GALNT18: variants seen among roughly 807,000 people sequenced by gnomAD.
GALNT18 encodes polypeptide N-acetylgalactosaminyltransferase 18, also known as GalNAc-transferase 18.
A neutral mutation model predicts 69.5 loss-of-function variants in GALNT18; 44 were observed. The ratio of observed to expected loss-of-function variants is 0.63; its 90% CI spans 0.50 to 0.81. GALNT18 has a LOEUF of 0.81. Ranked by LOEUF, GALNT18 falls within the 40% of genes least tolerant of loss-of-function variation. GALNT18 has a pLI of 0.00. For missense variants in GALNT18, 715 were observed against 810.0 expected (o/e 0.88, Z 1.42); for synonymous variants, 364 against 318.2 (o/e 1.14, Z -1.53).
chr11:11,487,985 G>A (rs1342307447), intron 1 of GALNT18, among the ~76,000 whole-genome samples: 1 of 152,192 alleles, frequency 6.6e-6, no homozygotes, highest in Non-Finnish European at 1.5e-5. Flanking sequence ...ATAAGCCCAA[G>A]CTCCATAAAT....
intron 3 of GALNT18, among the ~76,000 whole-genome samples, chr11:11,398,085 A>C (rs1416645912): frequency 6.6e-6 from 1 of 152,258 alleles, no homozygotes; most frequent in African/African-American, 2.4e-5. Context: ...AATCTTCAAA[A>C]CAACCCTGAG....
chr11:11,557,658 C>T (rs890966936), intron 1 of GALNT18, among the ~76,000 whole-genome samples: 7 of 152,194 alleles, frequency 4.6e-5, no homozygotes, highest in Admixed American at 4.6e-4. Flanking sequence ...TAACTGTCAG[C>T]TTCTGTGGCT....
intron 1 of GALNT18, among the ~76,000 whole-genome samples, chr11:11,537,958 G>A (rs1056673171): frequency 8.5e-5 from 13 of 152,082 alleles, no homozygotes; most frequent in African/African-American, 2.9e-4. Flanking sequence ...CAGTTCCATG[G>A]CCAATTTTAA....
intron 3 of GALNT18, among the ~76,000 whole-genome samples, chr11:11,429,466 T>A (rs1353718970): frequency 6.6e-6 from 1 of 152,152 alleles, no homozygotes; most frequent in Non-Finnish European, 1.5e-5. Context: ...ACATTTCCCC[T>A]CTGGGGCTCC....
At chr11:11,437,367 G>T (rs187711686) in intron 2 of GALNT18, among the ~76,000 whole-genome samples, 226 of 152,274 alleles carry the variant, frequency 1.5e-3, no homozygotes, top group African/African-American at 5.2e-3. Flanking sequence ...GGAGGGATAT[G>T]GTTGTCTAAT....
rs147902265 is a variant in GALNT18 at position 11,398,285 on chromosome 11, T to C, written c.596-19021A>G. 1.9e-3 allele frequency among the ~76,000 whole-genome samples: 290 copies of C among 152,348 alleles called. 1 individual carries two copies. The highest frequency in any genetic ancestry group is 6.8e-3 in the Middle Eastern group (2 of 294). Reference sequence around the variant, plus strand: ...GAGGTCCTAGGATAAACCCATGCTCTGGGCATTACTACCTTGGCTAGCTCT... The same window carrying C: ...GAGGTCCTAGGATAAACCCATGCTCCGGGCATTACTACCTTGGCTAGCTCT... On this transcript the variant is annotated intron_variant, in intron 3 of 10. Transcript: ENST00000227756.
chr11:11,379,207 C>T lies in GALNT18; in HGVS notation c.653G>A (p.Gly218Asp). 6.2e-7 allele frequency: 1 copy of T among 1,613,138 alleles called. No individual in the cohort carries two copies. ...GCTGTGACGCACGACTTTGATGAAG[C>T]CTGGCTTCTGGCTGTTCACCTTGTC... is the stretch of plus-strand genomic sequence containing the variant. ...YVDKVNSQKPGFIKVVRHSKQ... is the reference protein window; with the variant it reads ...YVDKVNSQKPDFIKVVRHSKQ... The change falls in exon 4 of 11, where the codon GGC becomes GAC. Residue 218 changes from glycine (G) to aspartate (D), a missense_variant. Coordinates refer to ENST00000227756, the MANE Select transcript of GALNT18 (RefSeq NM_198516.3).
chr11:11,460,339 T>C (rs1856012590), intron 1 of GALNT18, among the ~76,000 whole-genome samples: 1 of 152,162 alleles, frequency 6.6e-6, no homozygotes, highest in African/African-American at 2.4e-5. Context: ...CTCACAGGGT[T>C]ATAGTGAGGC....
At chr11:11,303,329 C>T (rs549329632) in intron 9 of GALNT18, among the ~76,000 whole-genome samples, 1 of 152,326 alleles carries the variant, frequency 6.6e-6, no homozygotes, top group Non-Finnish European at 1.5e-5. Flanking sequence ...CAGCAGCCCC[C>T]CACTGCTAAC....
chr11:11,564,616 A>G lies in GALNT18; in HGVS notation c.235+56743T>C, dbSNP rs999064405. On this transcript the variant is annotated intron_variant, in intron 1 of 10. Coordinates refer to ENST00000227756, the MANE Select transcript of GALNT18 (RefSeq NM_198516.3). The surrounding 1 kb of genome is among the most constrained non-coding windows in gnomAD (Gnocchi z 4.3). Reference sequence around the variant, plus strand: ...GGCAATGCAGGCAGCCCCCAATTCCAGAACAAATTGGTAGCTAATGATGTT... The same window carrying G: ...GGCAATGCAGGCAGCCCCCAATTCCGGAACAAATTGGTAGCTAATGATGTT... 6.6e-6 allele frequency among the ~76,000 whole-genome samples: 1 copy of G among 152,164 alleles called. No individual in the cohort carries two copies. The highest frequency in any genetic ancestry group is 6.5e-5 in the Admixed American group (1 of 15,278).
intron 3 of GALNT18, among the ~76,000 whole-genome samples, chr11:11,398,684 A>C (rs1438566368): frequency 2.6e-5 from 4 of 152,230 alleles, no homozygotes; most frequent in Non-Finnish European, 5.9e-5. Context: ...TTATCACTGA[A>C]CTAATAGGAA....
At chr11:11,352,819 C>T (rs1019878917) in intron 6 of GALNT18, 3 of 1,614,200 alleles carry the variant, frequency 1.9e-6, no homozygotes, top group Non-Finnish European at 2.5e-6. Context: ...GGGTCTTTTA[C>T]AATGTCTGCC....
intron 1 of GALNT18, among the ~76,000 whole-genome samples, chr11:11,453,144 T>C (rs1855842877): frequency 6.6e-6 from 1 of 152,020 alleles, no homozygotes; most frequent in Non-Finnish European, 1.5e-5. Context: ...AAGCGGTGCT[T>C]GAGTCAGGGA....
intron 9 of GALNT18, among the ~76,000 whole-genome samples, chr11:11,300,486 T>C (rs911388114): frequency 1.3e-5 from 2 of 152,210 alleles, no homozygotes. Context: ...TTCAGATATT[T>C]ATCCATATTT....
intron 9 of GALNT18, among the ~76,000 whole-genome samples, chr11:11,308,365 T>C (rs7944925): frequency 0.061 from 9,338 of 152,208 alleles, 1,015 homozygotes; most frequent in African/African-American, 0.21. Flanking sequence ...GATTTAATTT[T>C]TGTCTTTGTG....
rs1046956104 is a variant in GALNT18, at chr11:11,591,618, T to G, written c.235+29741A>C. On this transcript the variant is annotated intron_variant, in intron 1 of 10. Transcript: ENST00000227756. The surrounding 1 kb of genome is among the most constrained non-coding windows in gnomAD (Gnocchi z 4.8). ...AAGCAGCCCCCCCAGTGAGTCCTGC[T>G]GTCATTTTAAAACAACTTTATGGAA... 6.6e-6 allele frequency among the ~76,000 whole-genome samples: 1 copy of G among 152,190 alleles called. No homozygotes were observed. The highest frequency in any genetic ancestry group is 2.4e-5 in the African/African-American group (1 of 41,452).
rs571648796 is a variant in GALNT18, at chr11:11,351,834, A to G, written c.1093-10830T>C. ...ACTATAAATCCACAAGCAACGGTTC[A>G]GACACGTTGCTTCTGAAGTGTTTCA... On this transcript the variant is annotated intron_variant, in intron 6 of 10. Transcript: ENST00000227756. 172 of 853,804 alleles carry G rather than the reference A, an allele frequency of 2.0e-4. 1 individual carries two copies. The South Asian group carries it at 2.4e-3, about 12-fold the overall frequency. 52.9% of individuals were successfully genotyped at this position (853,804 alleles called of 1,614,324 possible). A position where few individuals can be genotyped will look rare whatever the true frequency, so the allele number is the denominator to read the frequency against.
chr11:11,478,863 G>T (rs1383199270), intron 1 of GALNT18, among the ~76,000 whole-genome samples: 1 of 152,048 alleles, frequency 6.6e-6, no homozygotes, highest in African/African-American at 2.4e-5. Flanking sequence ...GGGCGGGGGA[G>T]GGGAGAAGCC....
chr11:11,377,031 G>T lies in GALNT18; in HGVS notation c.977+151C>A. On this transcript the variant is annotated intron_variant, in intron 5 of 10. Coordinates refer to ENST00000227756, the MANE Select transcript of GALNT18 (RefSeq NM_198516.3). This position sits in a 1 kb window ranked among gnomAD's most constrained non-coding sequence, Gnocchi z 4.6. ...TGAGATCTTCAGAGCCTGTGGCAGT[G>T]ACTGAAGATCAGACTGCAGTTCCTT... 1.5e-6 allele frequency: 1 copy of T among 649,710 alleles called. No homozygotes were observed. Among genetic ancestry groups the T allele is most frequent in the Non-Finnish European group, 2.7e-6 (1 of 374,462 alleles). 40.2% of individuals were successfully genotyped at this position (649,710 alleles called of 1,614,324 possible).
Sources: gnomAD v4.1 joint callset for allele counts (sites outside exome capture counted in the v4.1 genomes callset) on GRCh38, gnomAD v4.1.1 for gene constraint, Gnocchi (gnomAD v3.1) non-coding constraint, MANE v1.5 for transcripts, NCBI Gene and HGNC (gene_info 2026-07-23, HGNC 2026-07-21) for gene names.